The following SUPT20H variants were observed in gnomAD, a reference collection of about 807,000 sequenced individuals.
SUPT20H encodes the protein transcription factor SPT20 homolog.
In SUPT20H, 82 loss-of-function variants were observed where a neutral mutation model predicts 122.8. The observed-to-expected ratio is 0.67, with a 90% CI of 0.56 to 0.80. The LOEUF is 0.80. SUPT20H is among the 30% of genes least tolerant of loss of function. The pLI is 0.00. For missense variants in SUPT20H, 831 were observed against 921.6 expected, an observed-to-expected ratio of 0.90 and a Z score of 1.27; for synonymous variants, 291 against 313.0, an observed-to-expected ratio of 0.93 and a Z score of 0.74.
Position 37,026,224 on chromosome 13 carries a change from TC to T in SUPT20H, c.1190del (p.Gly397AspfsTer9). 6.5e-7 allele frequency: 1 copy of T among 1,527,026 alleles called. No homozygotes were observed. Among genetic ancestry groups the T allele is most frequent in the African/African-American group, 1.5e-5 (1 of 68,802 alleles). 94.6% of individuals were successfully genotyped at this position (1,527,026 alleles called of 1,614,324 possible). A position where few individuals can be genotyped will look rare whatever the true frequency, so the allele number is the denominator to read the frequency against. ...TTTACCTCTCAGCATCGGTCTTTGA[TC>T]CAATAATGAACCTAAAATGTTTAAG... ...TDDHSNWFIIGSKTDAERVVN... is the reference protein window; with the variant it reads ...TDDHSNWFIIXSKTDAERVVN... On this transcript the variant is annotated frameshift_variant, in exon 16 of 26. Transcript: ENST00000350612. LOFTEE classifies it high-confidence loss of function.
At chr13:37,026,168 C>T in intron 16 of SUPT20H, 36 bp downstream of exon 16, 1 of 1,554,608 alleles carries the variant, frequency 6.4e-7, no homozygotes, top group Non-Finnish European at 8.7e-7. Flanking sequence ...TTTTCATATC[C>T]ATCCTGACCA....
Position 37,022,421 on chromosome 13 carries a change from T to A in SUPT20H, c.1592-341A>T. On this transcript the variant is annotated intron_variant, in intron 19 of 25. Coordinates refer to ENST00000350612, the MANE Select transcript of SUPT20H (RefSeq NM_001014286.3). The surrounding 1 kb of genome is among the most constrained non-coding windows in gnomAD (Gnocchi z 4.5). ...CTTAGCACTGACAATTTGTTCTAGT[T>A]TTTTTTTTTTTAGCAGTTAACTGCA... is the stretch of plus-strand genomic sequence containing the variant. The A allele has an allele frequency of 1.6e-6, 2 of 1,227,366 alleles. No individual in the cohort carries two copies. The highest frequency in any genetic ancestry group is 3.1e-5 in the South Asian group (1 of 32,340). 76.0% of individuals were successfully genotyped at this position (1,227,366 alleles called of 1,614,324 possible). A position where few individuals can be genotyped will look rare whatever the true frequency, so the allele number is the denominator to read the frequency against.
rs774135192 is a variant in SUPT20H at position 37,026,813 on chromosome 13, C to A, written c.1155G>T (p.Ser385=). 79 of 1,428,986 alleles carry A rather than the reference C, an allele frequency of 5.5e-5. No individual in the cohort carries two copies. The highest frequency in any genetic ancestry group is 6.8e-5 in the Non-Finnish European group (73 of 1,078,270). The allele number at this position is 1,428,986 out of a possible 1,614,324, so 88.5% of individuals were successfully genotyped here. ...ACCAATTTGAATGATCATCTGTGGACGAGCTGAAATATAAAATGTAAAAAA... is the reference window on the plus strand; with the variant it reads ...ACCAATTTGAATGATCATCTGTGGAAGAGCTGAAATATAAAATGTAAAAAA... ...ESDSQMSPSH[S]STDDHSNWFI... The change falls in exon 15 of 26, where the codon TCG becomes TCT. Residue 385 remains serine (S), a synonymous_variant. Transcript: ENST00000350612.
chr13:37,040,444 A>G lies in SUPT20H; in HGVS notation c.528T>C (p.Asp176=), dbSNP rs1220134427. Residue 176 remains aspartate (D), a synonymous_variant, in exon 9 of 26, where the codon GAT becomes GAC. Coordinates refer to ENST00000350612, the MANE Select transcript of SUPT20H (RefSeq NM_001014286.3). ...GGTTATCACTTGTTATTGAATGTAC[A>G]TCACAAATTAAAGTCTAGAAGAAAT... ...LRPTMQTLIC[D]VHSITSDNHK... 3.8e-6 allele frequency: 6 copies of G among 1,582,064 alleles called. No individual in the cohort carries two copies. The highest frequency in any genetic ancestry group is 2.3e-5 in the East Asian group (1 of 44,430).
At chr13:37,055,420 T>C (rs1463331659) in intron 1 of SUPT20H, among the ~76,000 whole-genome samples, 2 of 152,136 alleles carry the variant, frequency 1.3e-5, no homozygotes, top group Non-Finnish European at 2.9e-5. Context: ...AAAACAGAGA[T>C]ATAGACCAAT....
chr13:37,024,380 T>TG lies in SUPT20H; in HGVS notation c.1391dup (p.Pro465ThrfsTer11). ...CTGAGCTTGAGGGAAGTTTGATTGG[T>TG]GGGGGTCGATGTTTTACACCCTTCC... On this transcript the variant is annotated frameshift_variant, in exon 18 of 26. Coordinates refer to ENST00000350612, the MANE Select transcript of SUPT20H (RefSeq NM_001014286.3). LOFTEE classifies it high-confidence loss of function. The TG allele has an allele frequency of 1.3e-6, 2 of 1,593,752 alleles. No homozygotes were observed. Among genetic ancestry groups the TG allele is most frequent in the African/African-American group, 2.7e-5 (2 of 73,756 alleles).
chr13:37,012,347 G>A, intron 23 of SUPT20H, 50 bp from the exon 24 acceptor site: 1 of 1,464,934 alleles, frequency 6.8e-7, no homozygotes, highest in South Asian at 1.2e-5. Flanking sequence ...AAACAAATTT[G>A]AGCTGGTGAA....
rs1262691031 is a variant in SUPT20H at position 37,033,573 on chromosome 13, G to A, written c.583C>T (p.Leu195Phe). 1 of 1,612,948 alleles carries A rather than the reference G, an allele frequency of 6.2e-7. No individual in the cohort carries two copies. Among genetic ancestry groups the A allele is most frequent in the Non-Finnish European group, 8.5e-7 (1 of 1,179,518 alleles). Residue 195 changes from leucine to phenylalanine, a missense_variant, in exon 10 of 26, where the codon CTT becomes TTT. Transcript: ENST00000350612. Reference sequence around the variant, plus strand: ...GTAGCTAGGATGAGCTGGCTCTCAAGCAAAAGTTTGTCTTCCTGAAATGTG... The same window carrying A: ...GTAGCTAGGATGAGCTGGCTCTCAAACAAAAGTTTGTCTTCCTGAAATGTG... ...HKWTQEDKLL[L>F]ESQLILATAE...
At chr13:37,023,853 T>G in intron 19 of SUPT20H, 182 bp downstream of exon 19, 1 of 508,580 alleles carries the variant, frequency 2.0e-6, no homozygotes, top group Non-Finnish European at 3.3e-6. Flanking sequence ...CAAGTACAAT[T>G]ACAATAGAGA....
At chr13:37,014,184 A>AT (rs1412298401) in intron 23 of SUPT20H, among the ~76,000 whole-genome samples, 1 of 152,156 alleles carries the variant, frequency 6.6e-6, no homozygotes, top group East Asian at 1.9e-4. Flanking sequence ...AAGGTCATTT[A>AT]TTAATGATAA....
rs748180615 is a variant in SUPT20H, at chr13:37,010,639, G to T, written c.2115C>A (p.Gly705=). ...TTTGCTCAGGTCTGTTCTCGGCAGA[G>T]CCAAGCTGAGACAACACTACAGAGA... is the stretch of plus-strand genomic sequence containing the variant. The part of the protein sequence containing the change: ...QSQAAVLSQL[G]SAENRPEQSL... The change falls in exon 25 of 26, where the codon GGC becomes GGA. Residue 705 remains glycine (G), a synonymous_variant. Transcript: ENST00000350612. The T allele has an allele frequency of 6.2e-7, 1 of 1,613,632 alleles. No individual in the cohort carries two copies. Among genetic ancestry groups the T allele is most frequent in the South Asian group, 1.1e-5 (1 of 91,016 alleles).
In SUPT20H at chr13:37,009,748, AGCTGAGCTGTTTGT is replaced by A. The variant is rs1273230806; in HGVS notation, c.2250_2263del (p.Gln751ThrfsTer13). ...GCTGCCTGTATGCCGATGATGATGTAGCTGAGCTGTTTGTGCTGCTGCTGCTGCCATAGCCATTT... is the reference window on the plus strand; with the variant it reads ...GCTGCCTGTATGCCGATGATGATGTAGCTGCTGCTGCTGCCATAGCCATTT... On this transcript the variant is annotated frameshift_variant, in exon 26 of 26. Transcript: ENST00000350612. LOFTEE classifies it high-confidence loss of function. The A allele has an allele frequency of 6.2e-7, 1 of 1,614,118 alleles. No homozygotes were observed. The highest frequency in any genetic ancestry group is 1.7e-5 in the Admixed American group (1 of 60,014).
chr13:37,035,714 T>A (rs1405360240), intron 9 of SUPT20H, among the ~76,000 whole-genome samples: 2 of 152,078 alleles, frequency 1.3e-5, no homozygotes, highest in Non-Finnish European at 2.9e-5. Flanking sequence ...GTATTTTTAG[T>A]AGAGACAGGG....
chr13:37,045,185 A>G (rs2066199292), intron 6 of SUPT20H, 62 bp downstream of exon 6: 1 of 1,597,144 alleles, frequency 6.3e-7, no homozygotes, highest in Non-Finnish European at 8.5e-7. Flanking sequence ...ACTACTTTAA[A>G]AAAACCGCAC....
chr13:37,021,585 A>G lies in SUPT20H; in HGVS notation c.1679T>C (p.Met560Thr), dbSNP rs2061463160. The change falls in exon 21 of 26, where the codon ATG becomes ACG. Residue 560 changes from methionine (M) to threonine (T), a missense_variant. Coordinates refer to ENST00000350612, the MANE Select transcript of SUPT20H (RefSeq NM_001014286.3). ...VGSVCGAQAL[M>T]SGSNPMLGCN... Reference sequence around the variant, plus strand: ...GCCCAGCATGGGGTTTGAACCACTCATCAAAGCCTGGGCCCCACTGCAGGA... The same window carrying G: ...GCCCAGCATGGGGTTTGAACCACTCGTCAAAGCCTGGGCCCCACTGCAGGA... 6.2e-7 allele frequency: 1 copy of G among 1,613,046 alleles called. No homozygotes were observed. The highest frequency in any genetic ancestry group is 1.3e-5 in the African/African-American group (1 of 74,892).
In SUPT20H at chr13:37,024,224, T is replaced by TTATA. The variant is rs1425803997; in HGVS notation, c.1433-35_1433-32dup. ...AGAACATAAAAGTTATTTCCTAAAT[T>TTATA]TATAATTCAAACTTCTGTGAACTGT... On this transcript the variant is annotated intron_variant, in intron 18 of 25. Coordinates refer to ENST00000350612, the MANE Select transcript of SUPT20H (RefSeq NM_001014286.3). 4 of 1,584,216 alleles carry TTATA rather than the reference T, an allele frequency of 2.5e-6. No homozygotes were observed. In the African/African-American group the frequency reaches 5.4e-5, roughly 22 times the overall value.
chr13:37,058,757 C>T (rs2069841468), intron 1 of SUPT20H, among the ~76,000 whole-genome samples: 1 of 152,158 alleles, frequency 6.6e-6, no homozygotes, highest in African/African-American at 2.4e-5. Flanking sequence ...ATATTACAAC[C>T]TGCAAACTAA....
At chr13:37,038,121 A>G (rs2064842588) in intron 9 of SUPT20H, 1 of 152,102 alleles carries the variant, frequency 6.6e-6, no homozygotes, top group African/African-American at 2.4e-5. Flanking sequence ...GAGGTACACA[A>G]TAATTGACTG....
At position 37,024,020 on chromosome 13, in the gene SUPT20H, T is replaced by TA. The variant is rs776875428; in HGVS notation, c.1591+14dup. 19 of 1,589,204 alleles carry TA rather than the reference T, an allele frequency of 1.2e-5. No homozygotes were observed. Among genetic ancestry groups the TA allele is most frequent in the Non-Finnish European group, 1.6e-5 (19 of 1,170,634 alleles). On this transcript the variant is annotated intron_variant, in intron 19 of 25. Transcript: ENST00000350612. ...GCTTATGAAGATTTAATGAAGAATTTAAGTTATGACTCACTTTGTGATGAG... is the reference window on the plus strand; with the variant it reads ...GCTTATGAAGATTTAATGAAGAATTTAAAGTTATGACTCACTTTGTGATGAG...
Sources: gnomAD v4.1 joint callset for allele counts (sites outside exome capture counted in the v4.1 genomes callset) on GRCh38, gnomAD v4.1.1 for gene constraint, Gnocchi (gnomAD v3.1) non-coding constraint, MANE v1.5 for transcripts, NCBI Gene and HGNC (gene_info 2026-07-23, HGNC 2026-07-21) for gene names.